Variants in TMEM232 observed in about 807,000 individuals in gnomAD.
TMEM232 encodes transmembrane protein 232.
A neutral mutation model predicts 78.8 loss-of-function variants in TMEM232; 80 were observed. That is an observed-to-expected ratio of 1.01 (90% CI 0.85 to 1.22). TMEM232 has a LOEUF of 1.22. Ranked by LOEUF, TMEM232 falls within the 50% of genes most tolerant of loss-of-function variation. The pLI is 0.00. For missense variants in TMEM232, 881 were observed against 742.2 expected (o/e 1.19, Z -2.17); for synonymous variants, 297 against 254.3 (o/e 1.17, Z -1.60).
At chr5:110,710,644 G>A (rs951166669) in intron 1 of TMEM232, among the ~76,000 whole-genome samples, 17 of 151,968 alleles carry the variant, frequency 1.1e-4, no homozygotes, top group South Asian at 2.1e-4. Context: ...GGACAAAAAC[G>A]ATACAATTAT....
intron 10 of TMEM232, among the ~76,000 whole-genome samples, chr5:110,599,234 C>T (rs1780577177): frequency 6.6e-6 from 1 of 152,038 alleles, no homozygotes; most frequent in Admixed American, 6.6e-5. Flanking sequence ...ATATAAAGAC[C>T]AATGACACTA....
rs113172158 is a variant in TMEM232, at chr5:110,412,773, C to T, written n.308+12050G>A. 2.5e-4 allele frequency among the ~76,000 whole-genome samples: 38 copies of T among 152,116 alleles called. 1 individual carries two copies. Among genetic ancestry groups the T allele is most frequent in the African/African-American group, 6.7e-4 (28 of 41,514 alleles). On this transcript the variant is annotated intron_variant and non_coding_transcript_variant, in intron 2 of 8. Coordinates refer to the TMEM232 transcript ENST00000507188. Reference sequence around the variant, plus strand: ...TTGTTATTTGATACTGTAACTTATCCAAGTTGTTGAATTACATTTAAATAT... The same window carrying T: ...TTGTTATTTGATACTGTAACTTATCTAAGTTGTTGAATTACATTTAAATAT...
chr5:110,557,295 T>C (rs1008159837), intron 11 of TMEM232, among the ~76,000 whole-genome samples: 10 of 152,148 alleles, frequency 6.6e-5, no homozygotes, highest in African/African-American at 2.4e-4. Flanking sequence ...ATTCCTTAGA[T>C]TTCTTAGATA....
rs905789809 is a variant in TMEM232, at chr5:110,695,215, A to C, written c.-12-27851T>G. 3.9e-5 allele frequency among the ~76,000 whole-genome samples: 6 copies of C among 152,250 alleles called. No homozygotes were observed. The South Asian group carries it at 1.0e-3, about 26-fold the overall frequency. ...TCCTGAATGACTACTGGGTACATAA[A>C]GAAATGAAGGCAGAAATAAAGATGT... On this transcript the variant is annotated intron_variant, in intron 1 of 13. Coordinates refer to ENST00000455884, the MANE Select transcript of TMEM232 (RefSeq NM_001039763.4).
At chr5:110,653,498 T>C (rs1027744711) in intron 2 of TMEM232, among the ~76,000 whole-genome samples, 4 of 152,212 alleles carry the variant, frequency 2.6e-5, no homozygotes, top group African/African-American at 9.7e-5. Context: ...TGGCAGGAAC[T>C]CGAAAGGACA....
chr5:110,447,994 T>A (rs895108482), intron 12 of TMEM232, among the ~76,000 whole-genome samples: 1 of 151,926 alleles, frequency 6.6e-6, no homozygotes, highest in Admixed American at 6.6e-5. Context: ...CACAGAAAAC[T>A]TATAGAGCTG....
intron 11 of TMEM232, among the ~76,000 whole-genome samples, chr5:110,565,920 T>C (rs1320381566): frequency 6.6e-6 from 1 of 151,972 alleles, no homozygotes; most frequent in Non-Finnish European, 1.5e-5. Context: ...TCATCATTTA[T>C]ATTTTCTTAG....
chr5:110,619,267 T>G (rs115337962), intron 7 of TMEM232, among the ~76,000 whole-genome samples: 6 of 152,282 alleles, frequency 3.9e-5, no homozygotes, highest in African/African-American at 1.2e-4. Context: ...ACACTTAGAA[T>G]CTAAAGGGCT....
chr5:110,544,331 ACCCTTTG>A (rs891106902), intron 11 of TMEM232, among the ~76,000 whole-genome samples: 1 of 151,774 alleles, frequency 6.6e-6, no homozygotes, highest in African/African-American at 2.4e-5. Context: ...ACAGAAGCTT[ACCCTTTG>A]CCTTTGTGTT....
At chr5:110,689,355 C>T (rs1272117048) in intron 1 of TMEM232, among the ~76,000 whole-genome samples, 2 of 152,070 alleles carry the variant, frequency 1.3e-5, no homozygotes, top group Admixed American at 6.5e-5. Flanking sequence ...TTCATAACTA[C>T]TATGTAAATT....
At chr5:110,565,848 C>A (rs1451896496) in intron 11 of TMEM232, among the ~76,000 whole-genome samples, 2 of 151,856 alleles carry the variant, frequency 1.3e-5, no homozygotes, top group Admixed American at 6.6e-5. Context: ...TCTAGTAGGT[C>A]ACTTGCAAAT....
At chr5:110,501,218 A>G in intron 12 of TMEM232, among the ~76,000 whole-genome samples, 1 of 152,270 alleles carries the variant, frequency 6.6e-6, no homozygotes. Flanking sequence ...CCTGGTACTA[A>G]GCTGCACCAA....
At chr5:110,668,813 G>C (rs960217758) in intron 1 of TMEM232, among the ~76,000 whole-genome samples, 6 of 152,066 alleles carry the variant, frequency 3.9e-5, no homozygotes, top group African/African-American at 1.4e-4. Flanking sequence ...TAGAACTCAG[G>C]ATTAAGAAAC....
intron 4 of TMEM232, among the ~76,000 whole-genome samples, chr5:110,388,850 A>G (rs1269097798): frequency 6.6e-6 from 1 of 152,220 alleles, no homozygotes; most frequent in African/African-American, 2.4e-5. Flanking sequence ...CTGATGCAGG[A>G]AAGATGAGCA....
intron 11 of TMEM232, among the ~76,000 whole-genome samples, chr5:110,560,690 C>G (rs1457946649): frequency 1.3e-5 from 2 of 152,052 alleles, no homozygotes; most frequent in Admixed American, 6.6e-5. Flanking sequence ...TGAAAATATA[C>G]TCAACTATAT....
At chr5:110,500,711 G>A (rs1766174672) in intron 12 of TMEM232, among the ~76,000 whole-genome samples, 1 of 152,068 alleles carries the variant, frequency 6.6e-6, no homozygotes, top group African/African-American at 2.4e-5. Context: ...AATAACTATG[G>A]AATAATGACA....
At chr5:110,629,627 T>C (rs1274276260) in intron 5 of TMEM232, among the ~76,000 whole-genome samples, 6 of 152,152 alleles carry the variant, frequency 3.9e-5, no homozygotes, top group African/African-American at 1.4e-4. Flanking sequence ...ACCTCCTTCT[T>C]CTCTCTTTCT....
intron 12 of TMEM232, among the ~76,000 whole-genome samples, chr5:110,511,097 T>A (rs1193672821): frequency 6.6e-6 from 1 of 152,170 alleles, no homozygotes; most frequent in Non-Finnish European, 1.5e-5. Flanking sequence ...ATATACACCA[T>A]GGACTACTAT....
chr5:110,720,314 T>C (rs1797463751), intron 1 of TMEM232, among the ~76,000 whole-genome samples: 1 of 152,092 alleles, frequency 6.6e-6, no homozygotes, highest in African/African-American at 2.4e-5. Flanking sequence ...ATAAAGCCTC[T>C]TTCTTATGCA....
Sources: allele counts gnomAD v4.1 joint callset (sites outside exome capture counted in the v4.1 genomes callset), GRCh38; gene constraint gnomAD v4.1.1; transcripts MANE v1.5; gene names NCBI Gene and HGNC (gene_info 2026-07-23, HGNC 2026-07-21).